SLC25A21: variants seen among roughly 807,000 people sequenced by gnomAD.
SLC25A21 encodes solute carrier family 25 member 21.
In SLC25A21, 47 loss-of-function variants were observed where a neutral mutation model predicts 43.8. The observed-to-expected ratio is 1.07, with a 90% CI of 0.85 to 1.37. The LOEUF is 1.37. SLC25A21 is among the 40% of genes most tolerant of loss of function. The pLI, the probability that SLC25A21 is intolerant of heterozygous loss-of-function variation, is 0.00. For missense variants in SLC25A21, 352 were observed against 350.2 expected, an observed-to-expected ratio of 1.00 and a Z score of -0.04; for synonymous variants, 131 against 121.3, an observed-to-expected ratio of 1.08 and a Z score of -0.52.
chr14:36,988,534 C>T (rs188391300), intron 1 of SLC25A21, among the ~76,000 whole-genome samples: 42 of 152,218 alleles, frequency 2.8e-4, no homozygotes, highest in African/African-American at 8.2e-4. Flanking sequence ...ATTTATTTCA[C>T]GATATTTCAA....
At chr14:37,060,882 T>C (rs1458399381) in intron 1 of SLC25A21, among the ~76,000 whole-genome samples, 1 of 152,170 alleles carries the variant, frequency 6.6e-6, no homozygotes, top group Non-Finnish European at 1.5e-5. Flanking sequence ...AAGATGATGG[T>C]ACCAGAAATC....
chr14:37,158,821 T>C (rs969492323), intron 1 of SLC25A21, among the ~76,000 whole-genome samples: 8 of 152,148 alleles, frequency 5.3e-5, no homozygotes, highest in African/African-American at 1.4e-4. Context: ...TATAATCTTG[T>C]ATCTAGAAAA....
intron 1 of SLC25A21, among the ~76,000 whole-genome samples, chr14:36,955,832 T>C (rs916451633): frequency 1.3e-5 from 2 of 152,140 alleles, no homozygotes; most frequent in Admixed American, 6.5e-5. Context: ...AGGTGGGACA[T>C]AGAAAACAGT....
intron 1 of SLC25A21, among the ~76,000 whole-genome samples, chr14:36,879,382 A>G (rs913916706): frequency 2.6e-5 from 4 of 152,226 alleles, no homozygotes; most frequent in African/African-American, 9.6e-5. Flanking sequence ...ACTAGACAAA[A>G]TACTGATTTT....
chr14:36,699,353 G>C (rs1284624711), intron 7 of SLC25A21, among the ~76,000 whole-genome samples: 1 of 152,076 alleles, frequency 6.6e-6, no homozygotes, highest in Non-Finnish European at 1.5e-5. Flanking sequence ...CTATATGAGG[G>C]GTCTGTGGGT....
intron 1 of SLC25A21, among the ~76,000 whole-genome samples, chr14:37,000,553 C>G (rs1205000110): frequency 6.6e-6 from 1 of 152,150 alleles, no homozygotes; most frequent in South Asian, 2.1e-4. Flanking sequence ...TGCTTCTCCA[C>G]CCAGACCCTT....
At chr14:36,753,372 C>T (rs1354699039) in intron 3 of SLC25A21, among the ~76,000 whole-genome samples, 1 of 152,086 alleles carries the variant, frequency 6.6e-6, no homozygotes, top group East Asian at 1.9e-4. Context: ...TGAGAAGATA[C>T]TGGCTGAGCT....
At chr14:36,924,108 G>A (rs1440717760) in intron 1 of SLC25A21, among the ~76,000 whole-genome samples, 2 of 152,118 alleles carry the variant, frequency 1.3e-5, no homozygotes, top group Non-Finnish European at 2.9e-5. Flanking sequence ...CATTATGGAA[G>A]TCAGTGTGGC....
intron 1 of SLC25A21, among the ~76,000 whole-genome samples, chr14:37,016,401 T>C (rs985552278): frequency 5.3e-5 from 8 of 152,174 alleles, no homozygotes; most frequent in Admixed American, 3.3e-4. Context: ...TGTTGATCTA[T>C]ATCTCTGTTT....
chr14:36,692,973 G>A (rs1882853469), intron 7 of SLC25A21, among the ~76,000 whole-genome samples: 1 of 152,164 alleles, frequency 6.6e-6, no homozygotes. Context: ...TTTCTTTGCA[G>A]AACTCAATTC....
chr14:36,927,593 C>A (rs1485451789), intron 1 of SLC25A21, among the ~76,000 whole-genome samples: 3 of 152,076 alleles, frequency 2.0e-5, no homozygotes, highest in African/African-American at 7.2e-5. Flanking sequence ...AAAATGGTGA[C>A]CATGTCTCCA....
chr14:37,103,141 C>T (rs1238970711), intron 1 of SLC25A21, among the ~76,000 whole-genome samples: 3 of 152,134 alleles, frequency 2.0e-5, no homozygotes, highest in African/African-American at 7.2e-5. Context: ...GCATGTTTAA[C>T]GTGCTATGGG....
At position 36,679,106 on chromosome 14, in the gene SLC25A21, C is replaced by T. The variant is rs945645220; in HGVS notation, c.*1552G>A. The T allele has an allele frequency of 1.0e-5, 10 of 985,244 alleles. No homozygotes were observed. In the East Asian group the frequency reaches 7.9e-4, roughly 78 times the overall value. 61.0% of individuals were successfully genotyped at this position (985,244 alleles called of 1,614,324 possible). ...AATTTCATGACCTCTATGCAGGCAG[C>T]GCTCTCATTGGATGTAAGAATATTA... is the stretch of plus-strand genomic sequence containing the variant. On this transcript the variant is annotated 3_prime_UTR_variant, in exon 10 of 10. Coordinates refer to ENST00000331299, the MANE Select transcript of SLC25A21 (RefSeq NM_030631.4).
intron 2 of SLC25A21, among the ~76,000 whole-genome samples, chr14:36,821,385 G>C (rs926757265): frequency 3.3e-5 from 5 of 152,084 alleles, no homozygotes; most frequent in African/African-American, 9.7e-5. Context: ...AGGGTGGGGT[G>C]GGGGATGCCT....
At chr14:36,812,481 C>A (rs147863398) in intron 3 of SLC25A21, among the ~76,000 whole-genome samples, 24 of 149,424 alleles carry the variant, frequency 1.6e-4, no homozygotes, top group African/African-American at 4.9e-4. Flanking sequence ...AAATATATAT[C>A]AATATATACT....
chr14:37,050,761 T>C (rs1961686117), intron 1 of SLC25A21, among the ~76,000 whole-genome samples: 2 of 152,170 alleles, frequency 1.3e-5, no homozygotes, highest in Non-Finnish European at 2.9e-5. Flanking sequence ...ACTTCTCAGA[T>C]CCAAGGTAGT....
At chr14:37,145,866 G>A (rs1963655795) in intron 1 of SLC25A21, among the ~76,000 whole-genome samples, 1 of 152,186 alleles carries the variant, frequency 6.6e-6, no homozygotes, top group Non-Finnish European at 1.5e-5. Flanking sequence ...GACTTGGATT[G>A]ACTCCTTCTT....
chr14:36,822,843 G>C (rs1370642102), intron 2 of SLC25A21, among the ~76,000 whole-genome samples: 2 of 152,180 alleles, frequency 1.3e-5, no homozygotes, highest in African/African-American at 4.8e-5. Context: ...TTTTGTGTCT[G>C]TACACTTTAC....
chr14:36,968,711 C>T (rs1168165384), intron 1 of SLC25A21, among the ~76,000 whole-genome samples: 1 of 152,150 alleles, frequency 6.6e-6, no homozygotes, highest in East Asian at 1.9e-4. Flanking sequence ...CCTGACTAAA[C>T]TAAGGAGCCT....
Sources: gnomAD v4.1 joint callset for allele counts (sites outside exome capture counted in the v4.1 genomes callset) on GRCh38, gnomAD v4.1.1 for gene constraint, MANE v1.5 for transcripts, NCBI Gene and HGNC (gene_info 2026-07-23, HGNC 2026-07-21) for gene names.